PPM1B: variants seen among roughly 807,000 people sequenced by gnomAD.
PPM1B encodes protein phosphatase 1B.
PPM1B carries 22 observed loss-of-function variants against 43.0 expected under a neutral mutation model. That is an observed-to-expected ratio of 0.51 (90% CI 0.37 to 0.73). The LOEUF (loss-of-function observed/expected upper bound fraction) is 0.73, where lower values mean the gene tolerates loss of function less well. Ranked by LOEUF, PPM1B falls within the 30% of genes least tolerant of loss-of-function variation. PPM1B has a pLI of 0.00. For synonymous variants in PPM1B, 217 were observed against 197.9 expected, an observed-to-expected ratio of 1.10 and a Z score of -0.81; for missense variants, 632 against 584.2, an observed-to-expected ratio of 1.08 and a Z score of -0.84.
intron 1 of PPM1B, among the ~76,000 whole-genome samples, chr2:44,170,696 G>A (rs1343448571): frequency 6.6e-6 from 1 of 152,138 alleles, no homozygotes; most frequent in African/African-American, 2.4e-5. Flanking sequence ...TTTAAATGGG[G>A]CATTTCTAAG....
chr2:44,186,502 G>C (rs922142522), intron 1 of PPM1B, among the ~76,000 whole-genome samples: 3 of 152,048 alleles, frequency 2.0e-5, no homozygotes, highest in Non-Finnish European at 4.4e-5. Flanking sequence ...CCAGGTAGCT[G>C]GGGCTACAGG....
At position 44,181,964 on chromosome 2, in the gene PPM1B, A is replaced by C. The variant is rs937490674; in HGVS notation, c.-15+12690A>C. Among the ~76,000 whole-genome samples, 3 of 152,164 alleles carry C rather than the reference A, an allele frequency of 2.0e-5. No individual in the cohort carries two copies. In the South Asian group the frequency reaches 6.2e-4, roughly 31 times the overall value. On this transcript the variant is annotated intron_variant, in intron 1 of 5. Transcript: ENST00000282412. ...ATAAAGAATAAAGAAAAAAGAATAA[A>C]GTTTTTTTGATTTGAGAGTGTTTTG...
intron 1 of PPM1B, among the ~76,000 whole-genome samples, chr2:44,189,977 T>C (rs1668325885): frequency 6.6e-6 from 1 of 152,172 alleles, no homozygotes; most frequent in Admixed American, 6.5e-5. Context: ...TCCACCTGTC[T>C]TGAACTAGAA....
At chr2:44,222,129 A>T (rs1245947255) in intron 5 of PPM1B, among the ~76,000 whole-genome samples, 1 of 152,204 alleles carries the variant, frequency 6.6e-6, no homozygotes, top group South Asian at 2.1e-4. Context: ...GGGCTCTGGG[A>T]TCATACTCCT....
chr2:44,211,085 G>A (rs997225785), intron 3 of PPM1B, among the ~76,000 whole-genome samples: 7 of 152,196 alleles, frequency 4.6e-5, no homozygotes, highest in South Asian at 2.1e-4. Context: ...GCAGTGAGCC[G>A]AGATCATGCC....
chr2:44,226,704 AT>A (rs202051028), intron 5 of PPM1B, among the ~76,000 whole-genome samples: 58 of 100,328 alleles, frequency 5.8e-4, no homozygotes, highest in Admixed American at 3.6e-3. Flanking sequence ...ATGTCCTGTA[AT>A]TTTTTTTTAA....
At position 44,223,030 on chromosome 2, in the gene PPM1B, C is replaced by T. The variant is rs369566296; in HGVS notation, c.1134+4493C>T. On this transcript the variant is annotated intron_variant, in intron 5 of 5. Coordinates refer to ENST00000282412, the MANE Select transcript of PPM1B (RefSeq NM_002706.6). ...TATTTTTTGTAGGGATAGGGTCTCG[C>T]TTCATTGCCAGGGCTAGTCTTGAAC... Among the ~76,000 whole-genome samples the T allele has an allele frequency of 2.6e-5, 4 of 152,226 alleles. No homozygotes were observed. The South Asian group carries it at 8.3e-4, about 32-fold the overall frequency.
chr2:44,206,867 C>G lies in PPM1B; in HGVS notation c.847-2343C>G, dbSNP rs115839475. On this transcript the variant is annotated intron_variant, in intron 2 of 5. Coordinates refer to ENST00000282412, the MANE Select transcript of PPM1B (RefSeq NM_002706.6). ...AGCCACCATGCCCAGCTGTTTGATT[C>G]TTGAATATCCATGGTGTACTTTAAA... Among the ~76,000 whole-genome samples, 545 of 152,170 alleles carry G rather than the reference C, an allele frequency of 3.6e-3. 1 individual carries two copies. Among genetic ancestry groups the G allele is most frequent in the African/African-American group, 0.012 (513 of 41,504 alleles).
chr2:44,228,279 C>G (rs1266895934), intron 5 of PPM1B, among the ~76,000 whole-genome samples: 1 of 142,278 alleles, frequency 7.0e-6, no homozygotes, highest in East Asian at 1.9e-4. Flanking sequence ...CCTCAACCTC[C>G]TCGACTTAGC....
At chr2:44,220,905 T>C (rs1396049747) in intron 5 of PPM1B, among the ~76,000 whole-genome samples, 1 of 152,214 alleles carries the variant, frequency 6.6e-6, no homozygotes. Context: ...GGACAAAGTA[T>C]AAGATATCTT....
chr2:44,230,638 A>G lies in PPM1B; in HGVS notation c.1360A>G (p.Thr454Ala), dbSNP rs751926100. The G allele has an allele frequency of 4.3e-6, 7 of 1,614,220 alleles. No individual in the cohort carries two copies. The South Asian group carries it at 7.7e-5, about 18-fold the overall frequency. The change falls in exon 6 of 6, where the codon ACT becomes GCT. Residue 454 changes from threonine to alanine, a missense_variant. Physicochemically the swap from Thr to Ala is moderately conservative, Grantham distance 58 (BLOSUM62 0). This residue lies in a region of PPM1B where 392 missense variants were observed against 302.7 expected (regional missense o/e 1.29). Coordinates refer to ENST00000282412, the MANE Select transcript of PPM1B (RefSeq NM_002706.6). The stretch of plus-strand genomic sequence containing the variant: ...CCCAGTGACAATGCAGGAAAGCCAT[A>G]CTGAATCAGAAAGTGGTCTTGCTGA... Reference protein sequence around the residue: ...GNPVTMQESHTESESGLAELD... With the variant: ...GNPVTMQESHAESESGLAELD...
At chr2:44,171,018 A>T (rs146507957) in intron 1 of PPM1B, among the ~76,000 whole-genome samples, 1 of 152,226 alleles carries the variant, frequency 6.6e-6, no homozygotes, top group Non-Finnish European at 1.5e-5. Flanking sequence ...AAGTCTTACA[A>T]CAGTTTCTGC....
chr2:44,201,924 G>C lies in PPM1B; in HGVS notation c.725G>C (p.Cys242Ser). The change falls in exon 2 of 6, where the codon TGT becomes TCT. Residue 242 changes from cysteine to serine, a missense_variant. By Grantham distance (112) the Cys-to-Ser change is moderately radical. Around this residue, in one of 3 missense-constraint regions of PPM1B, gnomAD observed 392 missense variants for 302.7 expected, o/e 1.29. Coordinates refer to ENST00000282412, the MANE Select transcript of PPM1B (RefSeq NM_002706.6). The surrounding 1 kb of genome is among the most constrained non-coding windows in gnomAD (Gnocchi z 5.4). ...GAGGATGAATTTATCATCTTGGCTT[G>C]TGATGGGATCTGGGATGTTATGAGT... ...AEEDEFIILA[C>S]DGIWDVMSNE... 1 of 1,614,164 alleles carries C rather than the reference G, an allele frequency of 6.2e-7. No homozygotes were observed.
intron 5 of PPM1B, among the ~76,000 whole-genome samples, chr2:44,221,324 A>G (rs554764662): frequency 2.6e-5 from 4 of 152,212 alleles, no homozygotes; most frequent in Non-Finnish European, 5.9e-5. Flanking sequence ...AAAATGTTGA[A>G]CTATAATTGC....
intron 3 of PPM1B, among the ~76,000 whole-genome samples, chr2:44,214,058 C>G (rs536529187): frequency 6.6e-6 from 1 of 152,120 alleles, no homozygotes. Flanking sequence ...TTATTGGAAA[C>G]TAAAGATAAA....
At position 44,186,854 on chromosome 2, in the gene PPM1B, C is replaced by T. The variant is rs559214036; in HGVS notation, c.-14-14332C>T. ...ATGACTTTCTAGCTCTACTCTTACC[C>T]CCAAAAGCTTAAATAAAATTTAATT... On this transcript the variant is annotated intron_variant, in intron 1 of 5. Transcript: ENST00000282412. Among the ~76,000 whole-genome samples, 22 of 151,910 alleles carry T rather than the reference C, an allele frequency of 1.4e-4. No individual in the cohort carries two copies. In the South Asian group the frequency reaches 3.7e-3, roughly 26 times the overall value.
downstream of PPM1B, chr2:44,232,949 T>G (rs1670510065): frequency 1.0e-6 from 1 of 977,314 alleles, no homozygotes. Flanking sequence ...CAAGATAAAG[T>G]GTATTTGGGA....
At chr2:44,178,474 A>ATATATATATATAT (rs1445760590) in intron 1 of PPM1B, among the ~76,000 whole-genome samples, 1 of 135,336 alleles carries the variant, frequency 7.4e-6, no homozygotes, top group Admixed American at 7.4e-5. Context: ...ATATATATAT[A>ATATATATATATAT]TTTTTTTTTT....
Position 44,218,482 on chromosome 2 carries a change from G to A in PPM1B, c.1079G>A (p.Arg360His), listed in dbSNP as rs142634167. The change falls in exon 5 of 6, where the codon CGT (arginine) becomes CAT (histidine). Residue 360 changes from arginine (R) to histidine (H), a missense_variant and splice_region_variant. Physicochemically the swap from Arg to His is conservative, Grantham distance 29. Around this residue, in one of 3 missense-constraint regions of PPM1B, gnomAD observed 392 missense variants for 302.7 expected, o/e 1.29. Coordinates refer to ENST00000282412, the MANE Select transcript of PPM1B (RefSeq NM_002706.6). ...LPPGGGLAGK[R>H]NVIEAVYSRL... ...TAAAGCATGTTTTTTTTTTTTAGGCGTAATGTTATTGAAGCTGTTTATAGT... is the reference window on the plus strand; with the variant it reads ...TAAAGCATGTTTTTTTTTTTTAGGCATAATGTTATTGAAGCTGTTTATAGT... 62 of 1,572,340 alleles carry A rather than the reference G, an allele frequency of 3.9e-5. No individual in the cohort carries two copies. The Admixed American group carries it at 5.2e-4, about 13-fold the overall frequency.
Sources: gnomAD v4.1 joint callset for allele counts (sites outside exome capture counted in the v4.1 genomes callset) on GRCh38, gnomAD v4.1.1 for gene constraint, gnomAD v4.1.1 regional missense constraint, Gnocchi (gnomAD v3.1) non-coding constraint, MANE v1.5 for transcripts, NCBI Gene and HGNC (gene_info 2026-07-23, HGNC 2026-07-21) for gene names.